DLGAP2: variants seen among roughly 807,000 people sequenced by gnomAD.
DLGAP2 encodes the protein disks large-associated protein 2.
A neutral mutation model predicts 100.3 loss-of-function variants in DLGAP2; 26 were observed. That is an observed-to-expected ratio of 0.26 (90% confidence interval 0.19 to 0.36). DLGAP2 has a LOEUF of 0.36. DLGAP2 is among the 10% of genes least tolerant of loss of function. DLGAP2 has a pLI of 1.00. For missense variants in DLGAP2, 1,858 were observed against 1,453.2 expected, an observed-to-expected ratio of 1.28 and a Z score of -4.53; for synonymous variants, 886 against 630.1, an observed-to-expected ratio of 1.41 and a Z score of -6.08.
chr8:1,305,209 A>T (rs1052992160), intron 3 of DLGAP2, among the ~76,000 whole-genome samples: 5 of 152,162 alleles, frequency 3.3e-5, no homozygotes, highest in Admixed American at 1.3e-4. Flanking sequence ...TCCTCCTTTA[A>T]AAAATGAAAG....
chr8:1,043,709 G>A (rs774960382), intron 2 of DLGAP2, among the ~76,000 whole-genome samples: 3 of 152,066 alleles, frequency 2.0e-5, no homozygotes, highest in African/African-American at 2.4e-5. Context: ...TGAAGGGAAG[G>A]AAGTGTTCTG....
intron 2 of DLGAP2, among the ~76,000 whole-genome samples, chr8:1,229,126 G>C (rs1798481458): frequency 6.6e-6 from 1 of 152,058 alleles, no homozygotes; most frequent in Admixed American, 6.6e-5. Flanking sequence ...CATGTATACT[G>C]CCAATGTACA....
rs73670426 is a variant in DLGAP2 at position 1,065,677 on chromosome 8, G to A, written c.73+157711G>A. ...TTTATGCTCGTCTTCCTTCCAATTC[G>A]ATACTCTCCTGAGATTCATCTGTGC... On this transcript the variant is annotated intron_variant, in intron 2 of 14. Coordinates refer to ENST00000637795, the MANE Select transcript of DLGAP2 (RefSeq NM_001346810.2). Among the ~76,000 whole-genome samples the A allele has an allele frequency of 2.7e-3, 407 of 152,186 alleles. 1 individual carries two copies. The highest frequency in any genetic ancestry group is 0.014 in the Middle Eastern group (4 of 294).
At chr8:1,045,471 A>G (rs549142109) in intron 2 of DLGAP2, among the ~76,000 whole-genome samples, 2 of 152,218 alleles carry the variant, frequency 1.3e-5, no homozygotes, top group African/African-American at 2.4e-5. Flanking sequence ...TAACGTATGC[A>G]TTACTCACAC....
intron 2 of DLGAP2, among the ~76,000 whole-genome samples, chr8:1,152,829 A>G (rs899403498): frequency 7.9e-5 from 12 of 152,244 alleles, no homozygotes; most frequent in Middle Eastern, 3.4e-3. Flanking sequence ...CTCTGTGCAA[A>G]AAATGCTGCC....
intron 3 of DLGAP2, among the ~76,000 whole-genome samples, chr8:1,281,335 G>T (rs372655831): frequency 6.6e-6 from 1 of 152,174 alleles, no homozygotes; most frequent in Non-Finnish European, 1.5e-5. Context: ...CGCTCCCGGC[G>T]AAGGCAGCCT....
chr8:1,203,646 C>A (rs957914443), intron 2 of DLGAP2, among the ~76,000 whole-genome samples: 1 of 152,134 alleles, frequency 6.6e-6, no homozygotes, highest in Non-Finnish European at 1.5e-5. Flanking sequence ...GTCTTTATAT[C>A]AAGGAATGGA....
At chr8:1,436,062 T>C (rs1348905579) in intron 3 of DLGAP2, among the ~76,000 whole-genome samples, 3 of 152,130 alleles carry the variant, frequency 2.0e-5, no homozygotes, top group Non-Finnish European at 2.9e-5. Flanking sequence ...CTGGGTTCTC[T>C]AGAGGGACAG....
chr8:889,695 A>C (rs898856805), intron 1 of DLGAP2, among the ~76,000 whole-genome samples: 1 of 152,164 alleles, frequency 6.6e-6, no homozygotes, highest in Non-Finnish European at 1.5e-5. Context: ...GGAGTTTAGC[A>C]TGTTAGGCCA....
chr8:1,341,470 G>A (rs908620452), intron 3 of DLGAP2, among the ~76,000 whole-genome samples: 14 of 152,256 alleles, frequency 9.2e-5, no homozygotes, highest in South Asian at 4.1e-4. Flanking sequence ...ACATATAGGC[G>A]TATTTAATGG....
intron 3 of DLGAP2, among the ~76,000 whole-genome samples, chr8:1,427,717 CTT>C (rs772152560): frequency 1.3e-5 from 2 of 152,174 alleles, no homozygotes; most frequent in Non-Finnish European, 2.9e-5. Context: ...GCTCTCTTCT[CTT>C]GTCTGCTGCC....
At chr8:1,281,172 C>A (rs1799806301) in intron 3 of DLGAP2, among the ~76,000 whole-genome samples, 1 of 152,176 alleles carries the variant, frequency 6.6e-6, no homozygotes, top group African/African-American at 2.4e-5. Flanking sequence ...CGTGATATTA[C>A]GAGTTTTAGT....
In DLGAP2 at chr8:1,618,466, G is replaced by A. The variant is rs73671257; in HGVS notation, c.1443-8274G>A. On this transcript the variant is annotated intron_variant, in intron 6 of 14. Transcript: ENST00000637795. ...AATGTGAAGATGTGAAATCTCCCCA[G>A]ACTGAGGTATGGATTCAGTGCAACC... Among the ~76,000 whole-genome samples, 513 of 152,290 alleles carry A rather than the reference G, an allele frequency of 3.4e-3. 3 individuals carry two copies. Among genetic ancestry groups the A allele is most frequent in the African/African-American group, 0.012 (496 of 41,554 alleles).
rs530363239 is a variant in DLGAP2 at position 1,193,902 on chromosome 8, C to G, written c.74-64949C>G. 8.5e-5 allele frequency among the ~76,000 whole-genome samples: 13 copies of G among 152,272 alleles called. No individual in the cohort carries two copies. The South Asian group carries it at 1.9e-3, about 22-fold the overall frequency. On this transcript the variant is annotated intron_variant, in intron 2 of 14. Coordinates refer to ENST00000637795, the MANE Select transcript of DLGAP2 (RefSeq NM_001346810.2). ...CGCCGCCCCCGCCTCCTGTCCCCAG[C>G]CAGGAGGAGCCGCTGGAGGGACGTT... is the stretch of plus-strand genomic sequence containing the variant.
At chr8:1,120,805 C>T (rs1796019647) in intron 2 of DLGAP2, among the ~76,000 whole-genome samples, 1 of 151,888 alleles carries the variant, frequency 6.6e-6, no homozygotes, top group East Asian at 1.9e-4. Flanking sequence ...TTCAGAACCC[C>T]TCGTCTCCCA....
intron 3 of DLGAP2, among the ~76,000 whole-genome samples, chr8:1,360,936 T>C (rs149076410): frequency 3.6e-4 from 55 of 152,330 alleles, no homozygotes; most frequent in African/African-American, 1.3e-3. Flanking sequence ...CTCACGTGTT[T>C]CAGAAGCACA....
At position 1,312,736 on chromosome 8, in the gene DLGAP2, T is replaced by C. The variant is rs115564533; in HGVS notation, c.106+53853T>C. On this transcript the variant is annotated intron_variant, in intron 3 of 14. Transcript: ENST00000637795. Reference sequence around the variant, plus strand: ...TAAATGCACATACCTTTTGACTCAGTTAATTAACTTGGAATTCATCCCATA... The same window carrying C: ...TAAATGCACATACCTTTTGACTCAGCTAATTAACTTGGAATTCATCCCATA... Among the ~76,000 whole-genome samples the C allele has an allele frequency of 3.9e-3, 590 of 152,264 alleles. 5 individuals carry two copies. Among genetic ancestry groups the C allele is most frequent in the African/African-American group, 0.014 (566 of 41,528 alleles).
chr8:1,673,786 G>C (rs906874329), intron 10 of DLGAP2, among the ~76,000 whole-genome samples: 7 of 152,164 alleles, frequency 4.6e-5, no homozygotes, highest in African/African-American at 1.7e-4. Flanking sequence ...GCAAGTAGCA[G>C]AATCTGACCA....
At chr8:1,182,744 C>T (rs1256398891) in intron 2 of DLGAP2, among the ~76,000 whole-genome samples, 1 of 152,234 alleles carries the variant, frequency 6.6e-6, no homozygotes, top group African/African-American at 2.4e-5. Flanking sequence ...CCAGCACATT[C>T]TGCAGAGCTC....
Sources: allele counts gnomAD v4.1 joint callset (sites outside exome capture counted in the v4.1 genomes callset), GRCh38; gene constraint gnomAD v4.1.1; transcripts MANE v1.5; gene names NCBI Gene and HGNC (gene_info 2026-07-23, HGNC 2026-07-21).